The following ANO1 variants were observed in gnomAD, a reference collection of about 807,000 sequenced individuals.
ANO1 encodes the protein anoctamin 1.
ANO1 carries 59 observed loss-of-function variants against 124.0 expected under a neutral mutation model. The ratio of observed to expected loss-of-function variants is 0.48; its 90% CI spans 0.39 to 0.59. The LOEUF (loss-of-function observed/expected upper bound fraction) is 0.59. Among genes scored for constraint, ANO1 ranks in the 20% least tolerant of loss-of-function variants. The pLI, the probability that ANO1 is intolerant of heterozygous loss-of-function variation, is 0.00. For synonymous variants in ANO1, 529 were observed against 532.0 expected (o/e 0.99, Z 0.08); for missense variants, 1,059 against 1,328.0 (o/e 0.80, Z 3.15).
chr11:70,125,011 A>G (rs952710061), intron 9 of ANO1, among the ~76,000 whole-genome samples: 3 of 152,236 alleles, frequency 2.0e-5, no homozygotes, highest in Admixed American at 2.0e-4. Context: ...AGCATGGGCC[A>G]TCGCACACGG....
chr11:70,178,312 G>A (rs539408519), intron 22 of ANO1, among the ~76,000 whole-genome samples: 104 of 152,332 alleles, frequency 6.8e-4, no homozygotes, highest in African/African-American at 1.2e-3. Flanking sequence ...ATTCCCAGGT[G>A]CTTTATTCAG....
intron 10 of ANO1, among the ~76,000 whole-genome samples, chr11:70,127,793 T>G (rs1284146708): frequency 1.3e-5 from 2 of 152,206 alleles, no homozygotes; most frequent in Non-Finnish European, 2.9e-5. Flanking sequence ...TTTCCTGACA[T>G]GAACCTAAGG....
chr11:70,044,093 T>C (rs1273882194), intron 1 of ANO1, among the ~76,000 whole-genome samples: 1 of 152,006 alleles, frequency 6.6e-6, no homozygotes, highest in Non-Finnish European at 1.5e-5. Context: ...GTTTTTAAAC[T>C]ATATGTGAAG....
intron 1 of ANO1, among the ~76,000 whole-genome samples, chr11:69,986,439 G>A (rs1235559247): frequency 2.0e-5 from 3 of 152,110 alleles, no homozygotes; most frequent in Admixed American, 2.0e-4. Flanking sequence ...TGGGGCTGGG[G>A]GCGCCGCCGG....
chr11:70,023,724 C>A (rs2135005764), intron 1 of ANO1, among the ~76,000 whole-genome samples: 1 of 152,254 alleles, frequency 6.6e-6, no homozygotes, highest in South Asian at 2.1e-4. Context: ...GATGGTTAAA[C>A]AATAAAGGCC....
intron 21 of ANO1, among the ~76,000 whole-genome samples, chr11:70,168,245 C>T (rs1032557088): frequency 5.9e-5 from 9 of 152,150 alleles, no homozygotes; most frequent in Non-Finnish European, 7.4e-5. Flanking sequence ...GAGCTCAGGC[C>T]GCCCCAGGGC....
intron 2 of ANO1, among the ~76,000 whole-genome samples, chr11:70,094,878 G>T (rs561209203): frequency 5.3e-4 from 81 of 152,270 alleles, no homozygotes; most frequent in Non-Finnish European, 9.3e-4. Context: ...TTTTCTTTTG[G>T]CTTGTCTTGG....
Position 70,182,597 on chromosome 11 carries a change from C to T in ANO1, c.2499C>T (p.His833=). The stretch of plus-strand genomic sequence containing the variant: ...GGACCATGCACGGCTTCGTCAACCA[C>T]ACCCTCTCCTCCTTCAACGTCAGTG... The part of the protein sequence containing the change: ...KNGTMHGFVN[H]TLSSFNVSDF... Residue 833 remains histidine (H), a synonymous_variant, in exon 24 of 26, where the codon CAC becomes CAT. Coordinates refer to ENST00000355303, the MANE Select transcript of ANO1 (RefSeq NM_018043.7). 6.2e-7 allele frequency: 1 copy of T among 1,613,800 alleles called. No individual in the cohort carries two copies. The highest frequency in any genetic ancestry group is 8.5e-7 in the Non-Finnish European group (1 of 1,179,790).
chr11:70,002,475 A>AAAAAAAAAAC (rs1856401565), intron 1 of ANO1, among the ~76,000 whole-genome samples: 2 of 151,614 alleles, frequency 1.3e-5, no homozygotes, highest in Non-Finnish European at 2.9e-5. Context: ...AAAAAAAAAA[A>AAAAAAAAAAC]AACACCAAAA....
rs759866693 is a variant in ANO1, at chr11:70,103,131, C to G, written c.507C>G (p.Ala169=). The change falls in exon 3 of 26, where the codon GCC becomes GCG. Residue 169 remains alanine (A), a synonymous_variant. Coordinates refer to ENST00000355303, the MANE Select transcript of ANO1 (RefSeq NM_018043.7). ...CCTGGAACGTGCTGTGCAGAGAGGCCGAGTTTCTGAAACTGAAGATGCCGA... is the reference window on the plus strand; with the variant it reads ...CCTGGAACGTGCTGTGCAGAGAGGCGGAGTTTCTGAAACTGAAGATGCCGA... The part of the protein sequence containing the change: ...HAPWNVLCRE[A]EFLKLKMPTK... The G allele has an allele frequency of 1.2e-6, 2 of 1,612,516 alleles. No homozygotes were observed. The highest frequency in any genetic ancestry group is 8.5e-7 in the Non-Finnish European group (1 of 1,179,358).
intron 1 of ANO1, among the ~76,000 whole-genome samples, chr11:70,059,683 T>A (rs573016227): frequency 3.3e-5 from 5 of 152,182 alleles, no homozygotes; most frequent in African/African-American, 1.2e-4. Context: ...GTCTTACGGA[T>A]GGATTTCCAT....
At position 70,078,828 on chromosome 11, in the gene ANO1, T is replaced by A. The variant is rs557230313; in HGVS notation, c.108+114T>A. 1,285 of 522,670 alleles carry A rather than the reference T, an allele frequency of 2.5e-3. 5 individuals are homozygous for A. Among genetic ancestry groups the A allele is most frequent in the Non-Finnish European group, 3.0e-3 (1,139 of 375,772 alleles). 32.4% of individuals were successfully genotyped at this position (522,670 alleles called of 1,614,324 possible). A position where few individuals can be genotyped will look rare whatever the true frequency, so the allele number is the denominator to read the frequency against. Reference sequence around the variant, plus strand: ...GGACCCCAGGGCGGGGGCCGCACCCTCCGCGCAGGGTTCGCGGCGCCCACC... The same window carrying A: ...GGACCCCAGGGCGGGGGCCGCACCCACCGCGCAGGGTTCGCGGCGCCCACC... On this transcript the variant is annotated intron_variant, in intron 1 of 25. Coordinates refer to ENST00000355303, the MANE Select transcript of ANO1 (RefSeq NM_018043.7).
chr11:70,138,854 T>G (rs1033808715), intron 11 of ANO1, among the ~76,000 whole-genome samples: 2 of 152,154 alleles, frequency 1.3e-5, no homozygotes, highest in African/African-American at 4.8e-5. Flanking sequence ...TGCCGTTGGT[T>G]TGGTGTACAG....
rs1344678193 is a variant in ANO1 at position 70,171,150 on chromosome 11, G to GTTTAAA, written c.2350+111_2350+112insTTTAAA. The GTTTAAA allele has an allele frequency of 5.7e-5, 81 of 1,418,916 alleles. 1 individual carries two copies. Among genetic ancestry groups the GTTTAAA allele is most frequent in the Non-Finnish European group, 2.8e-6 (3 of 1,057,448 alleles). The allele number at this position is 1,418,916 out of a possible 1,614,324, so 87.9% of individuals were successfully genotyped here. On this transcript the variant is annotated intron_variant, in intron 22 of 25. Transcript: ENST00000355303. The stretch of plus-strand genomic sequence containing the variant: ...CAGAGCTGGCCAGGTGTCCCTCCTG[G>GTTTAAA]GGCTCTTCACTCAGCCTTTGCCGGG...
chr11:70,171,043 A>G lies in ANO1; in HGVS notation c.2350+4A>G. 6.2e-7 allele frequency: 1 copy of G among 1,611,224 alleles called. No individual in the cohort carries two copies. Among genetic ancestry groups the G allele is most frequent in the Non-Finnish European group, 8.5e-7 (1 of 1,178,784 alleles). On this transcript the variant is annotated splice_donor_region_variant and intron_variant, in intron 22 of 25. Transcript: ENST00000355303. ...GCTGTCAGAGCCAAAGACATCGGTG[A>G]GTGACCCCACGGGCCGGCAGAACCG...
intron 1 of ANO1, among the ~76,000 whole-genome samples, chr11:70,082,690 G>A (rs532319243): frequency 6.6e-6 from 1 of 152,320 alleles, no homozygotes; most frequent in African/African-American, 2.4e-5. Flanking sequence ...TGGAAGTTAT[G>A]CACAAAGTCT....
chr11:70,021,337 C>T (rs1323668138), intron 1 of ANO1, among the ~76,000 whole-genome samples: 1 of 152,190 alleles, frequency 6.6e-6, no homozygotes, highest in Non-Finnish European at 1.5e-5. Context: ...GGTTAGGCCT[C>T]GTGCATGCGA....
At chr11:70,174,482 C>G (rs969696387) in intron 22 of ANO1, among the ~76,000 whole-genome samples, 1 of 152,182 alleles carries the variant, frequency 6.6e-6, no homozygotes, top group African/African-American at 2.4e-5. Flanking sequence ...GCCGTCTTTG[C>G]ACACCCGCTC....
At chr11:70,065,577 G>A (rs946247731) in intron 1 of ANO1, among the ~76,000 whole-genome samples, 3 of 150,900 alleles carry the variant, frequency 2.0e-5, no homozygotes, top group South Asian at 2.1e-4. Context: ...CTTGTCCCCC[G>A]TCGTCCCTCT....
Sources: gnomAD v4.1 joint callset for allele counts (sites outside exome capture counted in the v4.1 genomes callset) on GRCh38, gnomAD v4.1.1 for gene constraint, MANE v1.5 for transcripts, NCBI Gene and HGNC (gene_info 2026-07-23, HGNC 2026-07-21) for gene names.